MYBPHL: variants seen among roughly 807,000 people sequenced by gnomAD.
The protein encoded by MYBPHL is myosin binding protein H like, also known as myosin-binding protein H-like.
Under a neutral mutation model 39.5 loss-of-function variants are expected in MYBPHL, and 32 were observed. The observed-to-expected ratio is 0.81, with a 90% CI of 0.61 to 1.09. MYBPHL has a LOEUF of 1.09. Among genes scored for constraint, MYBPHL ranks in the 50% least tolerant of loss-of-function variants. The pLI is 0.00. For missense variants in MYBPHL, 456 were observed against 460.2 expected, an observed-to-expected ratio of 0.99 and a Z score of 0.08; for synonymous variants, 196 against 183.7, an observed-to-expected ratio of 1.07 and a Z score of -0.54.
At chr1:109,305,675 C>T (rs1419456569) in intron 1 of MYBPHL, among the ~76,000 whole-genome samples, 2 of 152,202 alleles carry the variant, frequency 1.3e-5, no homozygotes, top group African/African-American at 2.4e-5. Context: ...TTTACACTAA[C>T]TTTTGCTCCC....
rs145220743 is a variant in MYBPHL at position 109,304,088 on chromosome 1, C to T, written c.145+2759G>A. Among the ~76,000 whole-genome samples, 271 of 152,328 alleles carry T rather than the reference C, an allele frequency of 1.8e-3. 2 individuals carry two copies. The East Asian group carries it at 0.046, about 26-fold the overall frequency. ...CCCGAAGCACGTTCTATCCCCGTCC[C>T]TGCATTAGTTTTGGCACAGCATTTC... On this transcript the variant is annotated intron_variant, in intron 1 of 8. Transcript: ENST00000357155.
Position 109,296,424 on chromosome 1 carries a change from G to A in MYBPHL, c.731-54C>T, listed in dbSNP as rs1000277169. The A allele has an allele frequency of 5.0e-5, 80 of 1,595,288 alleles. No individual in the cohort carries two copies. In the Admixed American group the frequency reaches 7.2e-4, roughly 14 times the overall value. On this transcript the variant is annotated intron_variant, in intron 5 of 8. Transcript: ENST00000357155. ...AGCTTCTGAGATCCCAGCCCTCGTCGACTCTTTATCCTTAGTATTTTTTTT... is the reference window on the plus strand; with the variant it reads ...AGCTTCTGAGATCCCAGCCCTCGTCAACTCTTTATCCTTAGTATTTTTTTT...
chr1:109,306,622 C>A (rs1335865923), intron 1 of MYBPHL, among the ~76,000 whole-genome samples: 1 of 152,218 alleles, frequency 6.6e-6, no homozygotes, highest in African/African-American at 2.4e-5. Context: ...CCATCACTGA[C>A]TTCTCAGCTA....
At chr1:109,294,689 G>A (rs1447434166) in intron 7 of MYBPHL, among the ~76,000 whole-genome samples, 1 of 152,194 alleles carries the variant, frequency 6.6e-6, no homozygotes, top group African/African-American at 2.4e-5. Flanking sequence ...CGGAGGGGAA[G>A]TGAAATAAAG....
chr1:109,298,573 A>AT lies in MYBPHL; in HGVS notation c.146-317dup, dbSNP rs543925167. On this transcript the variant is annotated intron_variant, in intron 1 of 8. Coordinates refer to ENST00000357155, the MANE Select transcript of MYBPHL (RefSeq NM_001010985.3). ...ATTCCATCCTGATGGAGGCATTTTT[A>AT]TTTTTCTGTTTGTGTACAGACCAGC... 5.3e-3 allele frequency among the ~76,000 whole-genome samples: 797 copies of AT among 151,676 alleles called. 8 individuals are homozygous for AT. Among genetic ancestry groups the AT allele is most frequent in the African/African-American group, 0.018 (760 of 41,320 alleles).
chr1:109,294,275 T>A, intron 7 of MYBPHL, 26 bp from the exon 8 acceptor site: 1 of 1,606,678 alleles, frequency 6.2e-7, no homozygotes, highest in Non-Finnish European at 8.5e-7. Flanking sequence ...CATTTCTCAG[T>A]GTTAACATCT....
At chr1:109,304,803 C>T (rs1226138384) in intron 1 of MYBPHL, among the ~76,000 whole-genome samples, 1 of 152,242 alleles carries the variant, frequency 6.6e-6, no homozygotes, top group East Asian at 1.9e-4. Context: ...TGGCCACCTA[C>T]TCCTGCTTAT....
intron 7 of MYBPHL, among the ~76,000 whole-genome samples, chr1:109,294,894 G>T (rs1339708223): frequency 1.3e-5 from 2 of 152,166 alleles, no homozygotes; most frequent in Middle Eastern, 6.3e-3. Flanking sequence ...ATGGAAATAA[G>T]AATTCTTCCT....
chr1:109,302,572 C>A (rs565792356), intron 1 of MYBPHL, among the ~76,000 whole-genome samples: 1 of 152,156 alleles, frequency 6.6e-6, no homozygotes, highest in African/African-American at 2.4e-5. Flanking sequence ...CCTCTCCATG[C>A]GGTATGCCTC....
intron 1 of MYBPHL, among the ~76,000 whole-genome samples, chr1:109,303,249 G>A (rs1466483761): frequency 6.6e-6 from 1 of 151,968 alleles, no homozygotes; most frequent in Non-Finnish European, 1.5e-5. Flanking sequence ...GTGATCCATT[G>A]TCCTACCACC....
intron 7 of MYBPHL, among the ~76,000 whole-genome samples, chr1:109,294,617 A>G (rs1277149724): frequency 2.6e-5 from 4 of 152,370 alleles, no homozygotes; most frequent in Non-Finnish European, 2.9e-5. Context: ...TGACAGGTAT[A>G]GATAAGTGAT....
chr1:109,294,117 G>T, intron 8 of MYBPHL, 89 bp downstream of exon 8: 2 of 879,618 alleles, frequency 2.3e-6, no homozygotes, highest in Non-Finnish European at 3.8e-6. Flanking sequence ...TGACTGAAAG[G>T]CTCAGGAATG....
chr1:109,301,107 G>A (rs1049547351), intron 1 of MYBPHL, among the ~76,000 whole-genome samples: 1 of 152,180 alleles, frequency 6.6e-6, no homozygotes, highest in Non-Finnish European at 1.5e-5. Context: ...GAATGTGAAC[G>A]CCGGGGCTCA....
intron 1 of MYBPHL, among the ~76,000 whole-genome samples, chr1:109,303,032 T>G (rs534758133): frequency 1.6e-4 from 24 of 152,336 alleles, no homozygotes; most frequent in Middle Eastern, 3.4e-3. Context: ...AGCCCCAAGA[T>G]GAAAGAGGCC....
At position 109,295,260 on chromosome 1, in the gene MYBPHL, T is replaced by G; in HGVS notation, c.905A>C (p.Gln302Pro). Reference sequence around the variant, plus strand: ...CAGGGCTCTGTACTTAGGGTTGCCTTGGATATCCATCTTGTTCTTCAGCCA... The same window carrying G: ...CAGGGCTCTGTACTTAGGGTTGCCTGGGATATCCATCTTGTTCTTCAGCCA... ...IIWLKNKMDI[Q>P]GNPKYRALTH... Residue 302 changes from glutamine to proline, a missense_variant, in exon 7 of 9, where the codon CAA becomes CCA. Coordinates refer to ENST00000357155, the MANE Select transcript of MYBPHL (RefSeq NM_001010985.3). 1 of 1,614,052 alleles carries G rather than the reference T, an allele frequency of 6.2e-7. No individual in the cohort carries two copies. The highest frequency in any genetic ancestry group is 8.5e-7 in the Non-Finnish European group (1 of 1,179,952).
At chr1:109,294,799 C>T (rs531401298) in intron 7 of MYBPHL, among the ~76,000 whole-genome samples, 1 of 152,302 alleles carries the variant, frequency 6.6e-6, no homozygotes, top group African/African-American at 2.4e-5. Flanking sequence ...GCTATTTCCA[C>T]CAGTGCCAGG....
chr1:109,306,447 G>T (rs1206263155), intron 1 of MYBPHL, among the ~76,000 whole-genome samples: 1 of 152,060 alleles, frequency 6.6e-6, no homozygotes, highest in East Asian at 1.9e-4. Context: ...CATTGCCATA[G>T]CATTTTATTT....
rs763912500 is a variant in MYBPHL, at chr1:109,296,236, G to A, written c.865C>T (p.Arg289Trp). The A allele has an allele frequency of 5.4e-5, 87 of 1,612,870 alleles. No homozygotes were observed. The highest frequency in any genetic ancestry group is 6.7e-5 in the Admixed American group (4 of 59,904). The change falls in exon 6 of 9, where the codon CGG (arginine) becomes TGG (tryptophan). Residue 289 changes from arginine (R) to tryptophan (W), a missense_variant and splice_region_variant. Coordinates refer to ENST00000357155, the MANE Select transcript of MYBPHL (RefSeq NM_001010985.3). Reference sequence around the variant, plus strand: ...TGCCCCCCAGAGCCCCCACTCACCCGGGGAGAGGCGCGGACACAGCAGAAG... The same window carrying A: ...TGCCCCCCAGAGCCCCCACTCACCCAGGGAGAGGCGCGGACACAGCAGAAG... ...QLFCCVRASP[R>W]PKIIWLKNKM...
chr1:109,297,490 C>A lies in MYBPHL; in HGVS notation c.362G>T (p.Gly121Val). 1.2e-6 allele frequency: 2 copies of A among 1,613,622 alleles called. No homozygotes were observed. Among genetic ancestry groups the A allele is most frequent in the Non-Finnish European group, 8.5e-7 (1 of 1,180,028 alleles). ...FIREAQRADS[G>V]RYQLRVQLGG... ...CAGCTGCACGCGGAGTTGGTAGCGA[C>A]CTGAGTCAGCACGTTGGGCTTCTCG... The change falls in exon 3 of 9, where the codon GGT (glycine) becomes GTT (valine). Residue 121 changes from glycine (G) to valine (V), a missense_variant. Physicochemically the swap from Gly to Val is moderately radical, Grantham distance 109. Coordinates refer to ENST00000357155, the MANE Select transcript of MYBPHL (RefSeq NM_001010985.3).
Sources: gnomAD v4.1 joint callset for allele counts (sites outside exome capture counted in the v4.1 genomes callset) on GRCh38, gnomAD v4.1.1 for gene constraint, MANE v1.5 for transcripts, NCBI Gene and HGNC (gene_info 2026-07-23, HGNC 2026-07-21) for gene names.